SOX6: variants seen among roughly 807,000 people sequenced by gnomAD.
SOX6 encodes SRY-box transcription factor 6, also known as transcription factor SOX-6.
A neutral mutation model predicts 97.8 loss-of-function variants in SOX6; 11 were observed. That is an observed-to-expected ratio of 0.11 (90% CI 0.07 to 0.19). The LOEUF is 0.19. Ranked by LOEUF, SOX6 falls within the 10% of genes least tolerant of loss-of-function variation. The probability of loss-of-function intolerance (pLI) is 1.00; values close to 1 mark genes in which losing one functional copy is unlikely to be tolerated. For missense variants in SOX6, 810 were observed against 1,039.5 expected (o/e 0.78, Z 3.04); for synonymous variants, 360 against 371.4 (o/e 0.97, Z 0.35).
intron 13 of SOX6, among the ~76,000 whole-genome samples, chr11:16,009,646 C>T (rs1001844707): frequency 1.1e-4 from 16 of 152,000 alleles, no homozygotes; most frequent in African/African-American, 2.2e-4. Context: ...AGATGTAAAA[C>T]GACTACTTGT....
intron 4 of SOX6, among the ~76,000 whole-genome samples, chr11:16,230,969 A>G (rs1565035044): frequency 6.6e-6 from 1 of 151,744 alleles, no homozygotes; most frequent in African/African-American, 2.4e-5. Context: ...AACAGTATAG[A>G]TATTTGGTTA....
intron 3 of SOX6, among the ~76,000 whole-genome samples, chr11:16,649,246 T>C (rs1257228963): frequency 2.0e-5 from 3 of 152,096 alleles, no homozygotes; most frequent in African/African-American, 7.2e-5. Context: ...AATCTAGACA[T>C]CCAAACACAA....
rs539406979 is a variant in SOX6 at position 16,499,326 on chromosome 11, T to C, written n.610-22938A>G. ...TCAAAGCAGTGTGTAGAGGGAAATT[T>C]ATAGCACTAAATGCCCACAAGAGAA... On this transcript the variant is annotated intron_variant and non_coding_transcript_variant, in intron 4 of 5. Coordinates refer to the SOX6 transcript ENST00000524520. 5.1e-3 allele frequency among the ~76,000 whole-genome samples: 783 copies of C among 152,230 alleles called. 4 individuals are homozygous for C. Among genetic ancestry groups the C allele is most frequent in the South Asian group, 0.014 (68 of 4,804 alleles).
At chr11:16,462,893 G>A (rs1438520746) in intron 1 of SOX6, among the ~76,000 whole-genome samples, 1 of 152,210 alleles carries the variant, frequency 6.6e-6, no homozygotes, top group African/African-American at 2.4e-5. Context: ...TTGAGTAGGA[G>A]AAACAGAAAC....
chr11:16,127,276 T>C (rs1359402388), intron 6 of SOX6, among the ~76,000 whole-genome samples: 1 of 152,086 alleles, frequency 6.6e-6, no homozygotes, highest in Non-Finnish European at 1.5e-5. Context: ...TCCAAGTTAA[T>C]AATATTAACT....
At chr11:16,480,521 G>C (rs1251025001), upstream of SOX6, among the ~76,000 whole-genome samples, 1 of 151,936 alleles carries the variant, frequency 6.6e-6, no homozygotes, top group African/African-American at 2.4e-5. Context: ...ATAGATCAAA[G>C]GTAAATAGCA....
intron 6 of SOX6, among the ~76,000 whole-genome samples, chr11:16,136,344 G>GTT (rs34244829): frequency 0.013 from 1,681 of 129,220 alleles, 21 homozygotes; most frequent in Non-Finnish European, 0.017. Flanking sequence ...TGTGTGTGTG[G>GTT]TTTTTTTTTT....
rs182597529 is a variant in SOX6 at position 16,649,874 on chromosome 11, G to C, written n.430-37614C>G. On this transcript the variant is annotated intron_variant and non_coding_transcript_variant, in intron 3 of 5. Transcript: ENST00000524520. ...ATAAAAATCCACCAATCAAGTACCT[G>C]CTGTCTTCAAGAGACTCACCCAACA... 7.6e-3 allele frequency among the ~76,000 whole-genome samples: 1,158 copies of C among 152,218 alleles called. 11 individuals are homozygous for C. Among genetic ancestry groups the C allele is most frequent in the Non-Finnish European group, 8.6e-3 (585 of 67,992 alleles).
In SOX6 at chr11:15,967,236, T is replaced by C. The variant is rs1242114615; in HGVS notation, c.*5573A>G. The C allele has an allele frequency of 6.6e-6, 1 of 152,200 alleles. No homozygotes were observed. The highest frequency in any genetic ancestry group is 1.5e-5 in the Non-Finnish European group (1 of 68,046). The allele number at this position is 152,200 out of a possible 1,614,324, so 9.4% of individuals were successfully genotyped here. A position where few individuals can be genotyped will look rare whatever the true frequency, so the allele number is the denominator to read the frequency against. On this transcript the variant is annotated 3_prime_UTR_variant, in exon 16 of 16. Transcript: ENST00000683767. ...TGCAGTTAAAATTTGCTCCAGGATG[T>C]ATTAAATGCCCTTAGCAATTCAAGG...
intron 4 of SOX6, among the ~76,000 whole-genome samples, chr11:16,604,362 T>C (rs950567594): frequency 4.6e-5 from 7 of 152,184 alleles, no homozygotes; most frequent in African/African-American, 1.7e-4. Context: ...GCTGTGTCTG[T>C]TCTCCTCGGG....
chr11:16,476,856 T>C (rs1459508234), upstream of SOX6, among the ~76,000 whole-genome samples: 1 of 152,168 alleles, frequency 6.6e-6, no homozygotes, highest in East Asian at 1.9e-4. Flanking sequence ...GTGGAACCCA[T>C]AAGATGCTTA....
In SOX6 at chr11:16,186,733, C is replaced by T. The variant is rs376049765; in HGVS notation, c.708+50G>A. The T allele has an allele frequency of 1.8e-5, 28 of 1,591,476 alleles. No individual in the cohort carries two copies. The African/African-American group carries it at 3.4e-4, about 19-fold the overall frequency. ...CCAATCAATTTGATTACTCTCTGAG[C>T]CTGGCACATTCCACATCTCCAGTTC... On this transcript the variant is annotated intron_variant, in intron 5 of 15. Coordinates refer to ENST00000683767, the MANE Select transcript of SOX6 (RefSeq NM_001367873.1).
chr11:16,593,138 G>GA (rs1331171039), intron 4 of SOX6, among the ~76,000 whole-genome samples: 8 of 151,100 alleles, frequency 5.3e-5, no homozygotes, highest in East Asian at 1.9e-4. Context: ...TCACCAATTT[G>GA]AAAAAAAATC....
intron 3 of SOX6, among the ~76,000 whole-genome samples, chr11:16,659,061 T>A (rs912404101): frequency 6.6e-6 from 1 of 152,208 alleles, no homozygotes; most frequent in African/African-American, 2.4e-5. Flanking sequence ...GCTTAACAAT[T>A]TTCCTCTCAT....
intron 3 of SOX6, among the ~76,000 whole-genome samples, chr11:16,676,967 C>T (rs1011997113): frequency 1.3e-5 from 2 of 151,918 alleles, no homozygotes; most frequent in African/African-American, 2.4e-5. Context: ...CTTTTCAAAG[C>T]GTATTCCCCA....
At chr11:16,123,652 T>C (rs1849544604) in intron 6 of SOX6, among the ~76,000 whole-genome samples, 1 of 151,962 alleles carries the variant, frequency 6.6e-6, no homozygotes, top group Admixed American at 6.6e-5. Context: ...CTGCAACCCC[T>C]GACCTCCACT....
At chr11:16,326,829 G>A (rs1030717848) in intron 2 of SOX6, among the ~76,000 whole-genome samples, 3 of 152,156 alleles carry the variant, frequency 2.0e-5, no homozygotes, top group African/African-American at 7.2e-5. Context: ...CTCCCATGAG[G>A]TTACAGTTAA....
At chr11:16,036,146 C>T (rs1243640958) in intron 12 of SOX6, among the ~76,000 whole-genome samples, 1 of 150,740 alleles carries the variant, frequency 6.6e-6, no homozygotes, top group East Asian at 2.0e-4. Flanking sequence ...ATGGCATGAC[C>T]TCTGCTCACC....
chr11:16,620,127 A>G (rs1848524108), intron 3 of SOX6, among the ~76,000 whole-genome samples: 2 of 152,184 alleles, frequency 1.3e-5, no homozygotes, highest in Non-Finnish European at 2.9e-5. Context: ...GTAGACTTCT[A>G]TTATCCTACC....
Sources: allele counts gnomAD v4.1 joint callset (sites outside exome capture counted in the v4.1 genomes callset), GRCh38; gene constraint gnomAD v4.1.1; transcripts MANE v1.5; gene names NCBI Gene and HGNC (gene_info 2026-07-23, HGNC 2026-07-21).